The following TFB1M variants were observed in gnomAD, a reference collection of about 807,000 sequenced individuals.
The protein encoded by TFB1M is dimethyladenosine transferase 1, mitochondrial.
A neutral mutation model predicts 31.1 loss-of-function variants in TFB1M; 27 were observed. That is an observed-to-expected ratio of 0.87 (90% CI 0.64 to 1.20). TFB1M has a LOEUF of 1.20. Among genes scored for constraint, TFB1M ranks in the 50% most tolerant of loss-of-function variants. The pLI, the probability that TFB1M is intolerant of heterozygous loss-of-function variation, is 0.00. For synonymous variants in TFB1M, 166 were observed against 151.8 expected (o/e 1.09, Z -0.69); for missense variants, 394 against 418.7 (o/e 0.94, Z 0.51).
At chr6:155,251,053 A>C in the TFB1M span, 1 of 1,590,512 alleles carries the variant, frequency 6.3e-7, no homozygotes, top group East Asian at 2.2e-5. Flanking sequence ...ATGCAGACTG[A>C]ACAGAGGCTG....
intron 4 of TFB1M, among the ~76,000 whole-genome samples, chr6:155,291,683 C>G (rs1285778792): frequency 6.6e-6 from 1 of 152,140 alleles, no homozygotes; most frequent in East Asian, 1.9e-4. Flanking sequence ...AGAATGCTTC[C>G]CAGCATCCCT....
chr6:155,251,842 C>G, downstream of TFB1M: 1 of 861,494 alleles, frequency 1.2e-6, no homozygotes, highest in Non-Finnish European at 1.8e-6. Context: ...CTTAGAGACT[C>G]ATACGTTTGG....
intron 4 of TFB1M, among the ~76,000 whole-genome samples, chr6:155,290,750 A>G (rs1776886585): frequency 6.6e-6 from 1 of 152,126 alleles, no homozygotes; most frequent in Non-Finnish European, 1.5e-5. Context: ...TTGTATCTCT[A>G]TTGTGTTATT....
chr6:155,247,704 A>G, the TFB1M span, among the ~76,000 whole-genome samples: 1 of 152,190 alleles, frequency 6.6e-6, no homozygotes, highest in Non-Finnish European at 1.5e-5. Context: ...ATGGGTATGC[A>G]TGAAATGTGT....
chr6:155,235,314 G>C, the TFB1M span, among the ~76,000 whole-genome samples: 1 of 152,180 alleles, frequency 6.6e-6, no homozygotes, highest in Non-Finnish European at 1.5e-5. Context: ...CATCAGGAAG[G>C]ACACTGAAGA....
chr6:155,292,892 T>C (rs982067280), intron 4 of TFB1M, among the ~76,000 whole-genome samples: 1 of 152,176 alleles, frequency 6.6e-6, no homozygotes. Context: ...TGCAGTGACA[T>C]GATCACGGCT....
chr6:155,233,958 G>A, the TFB1M span, among the ~76,000 whole-genome samples: 1 of 145,934 alleles, frequency 6.9e-6, no homozygotes, highest in Non-Finnish European at 1.5e-5. Context: ...GTGAGACCCT[G>A]TCTCAAAAAA....
chr6:155,231,748 C>A, the TFB1M span, among the ~76,000 whole-genome samples: 1 of 152,360 alleles, frequency 6.6e-6, no homozygotes, highest in Admixed American at 6.5e-5. Context: ...TCCCACTGTG[C>A]AGTCCAGATG....
the TFB1M span, chr6:155,249,955 G>A: frequency 3.1e-6 from 5 of 1,612,968 alleles, no homozygotes; most frequent in Admixed American, 1.7e-5. Flanking sequence ...TGAGCAGAGC[G>A]GAACAGAGAA....
At chr6:155,254,310 T>C (rs1286232611), downstream of TFB1M, 36 of 1,446,034 alleles carry the variant, frequency 2.5e-5, no homozygotes, top group Admixed American at 2.6e-4. Flanking sequence ...GGTGGCTGGC[T>C]GGCAGCCTGG....
At chr6:155,247,818 CTG>C in the TFB1M span, among the ~76,000 whole-genome samples, 1 of 152,200 alleles carries the variant, frequency 6.6e-6, no homozygotes, top group African/African-American at 2.4e-5. Context: ...TCTGTCAGGG[CTG>C]TGAGGCGGAA....
intron 5 of TFB1M, among the ~76,000 whole-genome samples, chr6:155,279,886 G>A (rs1010539566): frequency 6.6e-6 from 1 of 151,992 alleles, no homozygotes; most frequent in African/African-American, 2.4e-5. Context: ...TATTCAACAC[G>A]TATTTTACCT....
At chr6:155,236,364 T>C in the TFB1M span, among the ~76,000 whole-genome samples, 2 of 151,916 alleles carry the variant, frequency 1.3e-5, no homozygotes, top group Admixed American at 6.6e-5. Flanking sequence ...GGAGTTTTTT[T>C]AAGAAACACC....
At chr6:155,310,611 C>T (rs943606883) in intron 2 of TFB1M, among the ~76,000 whole-genome samples, 7 of 152,158 alleles carry the variant, frequency 4.6e-5, no homozygotes, top group African/African-American at 1.4e-4. Context: ...AATAACAGTG[C>T]CTGTATTTTA....
the TFB1M span, among the ~76,000 whole-genome samples, chr6:155,233,105 T>G: frequency 3.3e-5 from 5 of 152,196 alleles, no homozygotes; most frequent in Non-Finnish European, 7.3e-5. Context: ...TCTGATGCAG[T>G]GGACTCCTGC....
At chr6:155,248,579 C>T in the TFB1M span, among the ~76,000 whole-genome samples, 1 of 152,194 alleles carries the variant, frequency 6.6e-6, no homozygotes, top group Non-Finnish European at 1.5e-5. Flanking sequence ...AGCTGCTGGT[C>T]AGATTTGTTG....
At chr6:155,295,466 C>A (rs1343240242) in intron 4 of TFB1M, among the ~76,000 whole-genome samples, 3 of 152,066 alleles carry the variant, frequency 2.0e-5, no homozygotes, top group Non-Finnish European at 4.4e-5. Flanking sequence ...CAGTAGTGAT[C>A]ACCTTACTAG....
chr6:155,263,628 T>A (rs1784491683), intron 5 of TFB1M, among the ~76,000 whole-genome samples: 1 of 152,116 alleles, frequency 6.6e-6, no homozygotes, highest in Admixed American at 6.5e-5. Context: ...GGACCCGGGC[T>A]AAGGAGATAT....
chr6:155,287,716 A>G (rs1299973633), intron 4 of TFB1M, among the ~76,000 whole-genome samples: 1 of 152,132 alleles, frequency 6.6e-6, no homozygotes, highest in Non-Finnish European at 1.5e-5. Context: ...ACAATATTTT[A>G]TTTCTTTAAA....
Sources: gnomAD v4.1 joint callset for allele counts (sites outside exome capture counted in the v4.1 genomes callset) on GRCh38, gnomAD v4.1.1 for gene constraint, MANE v1.5 for transcripts, NCBI Gene and HGNC (gene_info 2026-07-23, HGNC 2026-07-21) for gene names.